The following RBFOX1 variants were observed in gnomAD, a reference collection of about 807,000 sequenced individuals.
RBFOX1 encodes the protein RNA binding fox-1 homolog 1.
Under a neutral mutation model 57.7 loss-of-function variants are expected in RBFOX1, and 8 were observed. The ratio of observed to expected loss-of-function variants is 0.14; its 90% CI spans 0.08 to 0.25. The LOEUF (loss-of-function observed/expected upper bound fraction) is 0.25. RBFOX1 is among the 10% of genes least tolerant of loss of function. The pLI is 1.00. For missense variants in RBFOX1, 611 were observed against 548.5 expected (o/e 1.11, Z -1.14); for synonymous variants, 326 against 222.4 (o/e 1.47, Z -4.15).
intron 12 of RBFOX1, among the ~76,000 whole-genome samples, chr16:7,654,598 T>C (rs981936764): frequency 2.0e-5 from 3 of 152,102 alleles, no homozygotes; most frequent in Non-Finnish European, 4.4e-5. Context: ...ACTTTGATAT[T>C]GCCAGGCGAA....
intron 3 of RBFOX1, among the ~76,000 whole-genome samples, chr16:6,831,018 A>G (rs7195168): frequency 1.3e-5 from 2 of 152,044 alleles, no homozygotes; most frequent in Non-Finnish European, 2.9e-5. Context: ...TTTACCATCT[A>G]AGCCTTTTCC....
chr16:6,083,761 G>A (rs1295700194), intron 1 of RBFOX1, among the ~76,000 whole-genome samples: 1 of 152,120 alleles, frequency 6.6e-6, no homozygotes, highest in African/African-American at 2.4e-5. Flanking sequence ...ATAAGTGTGA[G>A]CCACCAGACC....
intron 3 of RBFOX1, chr16:6,704,539 G>C (rs1362074015): frequency 6.6e-6 from 1 of 152,232 alleles, no homozygotes; most frequent in Non-Finnish European, 1.5e-5. Context: ...CTTGGGTCTG[G>C]AAGTTGTTGG....
intron 4 of RBFOX1, among the ~76,000 whole-genome samples, chr16:7,187,499 C>T (rs111978211): frequency 3.8e-4 from 57 of 151,346 alleles, no homozygotes; most frequent in African/African-American, 1.4e-3. Flanking sequence ...ACCATCCTGG[C>T]TAACACAGTG....
intron 4 of RBFOX1, among the ~76,000 whole-genome samples, chr16:5,953,155 G>A (rs926429838): frequency 1.3e-5 from 2 of 152,042 alleles, no homozygotes; most frequent in African/African-American, 4.8e-5. Flanking sequence ...AACCTTGCTG[G>A]GTGATTCTAA....
chr16:7,659,110 T>G lies in RBFOX1; in HGVS notation c.890+5163T>G, dbSNP rs116610555. ...GTTCTCTAGGTATCTCTGAGTAAGATTTTCTGCCCTTTCTCAGGTAATTGT... is the reference window on the plus strand; with the variant it reads ...GTTCTCTAGGTATCTCTGAGTAAGAGTTTCTGCCCTTTCTCAGGTAATTGT... On this transcript the variant is annotated intron_variant, in intron 12 of 15. Coordinates refer to ENST00000550418, the MANE Select transcript of RBFOX1 (RefSeq NM_018723.4). Among the ~76,000 whole-genome samples the G allele has an allele frequency of 9.4e-3, 1,434 of 152,290 alleles. 22 individuals carry two copies. The highest frequency in any genetic ancestry group is 0.032 in the African/African-American group (1,311 of 41,546).
intron 1 of RBFOX1, among the ~76,000 whole-genome samples, chr16:6,250,307 T>A (rs1224386563): frequency 6.6e-6 from 1 of 152,166 alleles, no homozygotes; most frequent in African/African-American, 2.4e-5. Flanking sequence ...AGTCCACTGC[T>A]CATTAGAATG....
At chr16:5,283,405 A>G (rs2063319116) in intron 1 of RBFOX1, among the ~76,000 whole-genome samples, 1 of 152,094 alleles carries the variant, frequency 6.6e-6, no homozygotes, top group Non-Finnish European at 1.5e-5. Flanking sequence ...GACAGCTTGT[A>G]CTGTGTGCCT....
chr16:5,910,122 A>C (rs2058571049), intron 4 of RBFOX1, among the ~76,000 whole-genome samples: 1 of 152,078 alleles, frequency 6.6e-6, no homozygotes, highest in South Asian at 2.1e-4. Context: ...TCCTCCACCA[A>C]CCTGCTCAGA....
chr16:6,213,581 C>T (rs1367520494), intron 1 of RBFOX1, among the ~76,000 whole-genome samples: 3 of 152,216 alleles, frequency 2.0e-5, no homozygotes, highest in Non-Finnish European at 4.4e-5. Flanking sequence ...TTGCGTAAGT[C>T]ATGCCAATTG....
chr16:7,286,688 A>T (rs995939984), intron 4 of RBFOX1, among the ~76,000 whole-genome samples: 1 of 142,510 alleles, frequency 7.0e-6, no homozygotes, highest in African/African-American at 2.7e-5. Context: ...CAGTGGCGAG[A>T]TCTCGGGTCA....
At chr16:5,728,076 T>G (rs1205345276) in intron 3 of RBFOX1, among the ~76,000 whole-genome samples, 1 of 152,232 alleles carries the variant, frequency 6.6e-6, no homozygotes, top group Non-Finnish European at 1.5e-5. Flanking sequence ...CTGGCTTATT[T>G]CACTTGATCC....
chr16:7,573,251 G>A (rs998972815), intron 5 of RBFOX1, among the ~76,000 whole-genome samples: 1 of 152,106 alleles, frequency 6.6e-6, no homozygotes, highest in African/African-American at 2.4e-5. Context: ...GTCAGGAAAA[G>A]CAAAGAGGCC....
chr16:6,810,569 G>C (rs1053043148), intron 3 of RBFOX1, among the ~76,000 whole-genome samples: 2 of 151,850 alleles, frequency 1.3e-5, no homozygotes, highest in Admixed American at 1.3e-4. Context: ...TTATAGGTTT[G>C]TATTATGAGT....
At chr16:6,320,871 A>G (rs549233327) in intron 2 of RBFOX1, among the ~76,000 whole-genome samples, 3 of 152,208 alleles carry the variant, frequency 2.0e-5, no homozygotes, top group South Asian at 4.1e-4. Flanking sequence ...TCAGCTCACT[A>G]CAGCCTTCAC....
At chr16:6,882,729 A>G (rs1382094180) in intron 3 of RBFOX1, among the ~76,000 whole-genome samples, 2 of 152,144 alleles carry the variant, frequency 1.3e-5, no homozygotes, top group African/African-American at 4.8e-5. Flanking sequence ...GACATAACCA[A>G]CGGCAACCAA....
intron 3 of RBFOX1, among the ~76,000 whole-genome samples, chr16:6,963,348 G>T (rs190095507): frequency 6.6e-6 from 1 of 151,970 alleles, no homozygotes. Context: ...TGAGATAATG[G>T]GAATGAAATC....
chr16:7,593,304 C>T (rs1397028884), intron 7 of RBFOX1, among the ~76,000 whole-genome samples: 1 of 152,124 alleles, frequency 6.6e-6, no homozygotes, highest in African/African-American at 2.4e-5. Context: ...TGATATGCGG[C>T]TAAGTTTGAG....
chr16:6,779,238 G>C (rs2079920609), intron 3 of RBFOX1, among the ~76,000 whole-genome samples: 1 of 151,754 alleles, frequency 6.6e-6, no homozygotes, highest in Non-Finnish European at 1.5e-5. Context: ...AATTTTTTTA[G>C]CTCCCGCATT....
Sources: allele counts gnomAD v4.1 joint callset (sites outside exome capture counted in the v4.1 genomes callset), GRCh38; gene constraint gnomAD v4.1.1; transcripts MANE v1.5; gene names NCBI Gene and HGNC (gene_info 2026-07-23, HGNC 2026-07-21).